Variants in EYS observed in about 807,000 individuals in gnomAD.
The protein encoded by EYS is protein eyes shut homolog.
In EYS, 250 loss-of-function variants were observed where a neutral mutation model predicts 282.1. The observed-to-expected ratio is 0.89, with a 90% CI of 0.80 to 0.98. The LOEUF is 0.98. Among genes scored for constraint, EYS ranks in the 50% least tolerant of loss-of-function variants. The pLI is 0.00. For synonymous variants in EYS, 1,355 were observed against 1,282.9 expected, an observed-to-expected ratio of 1.06 and a Z score of -1.20; for missense variants, 4,016 against 3,709.0, an observed-to-expected ratio of 1.08 and a Z score of -2.15.
At chr6:63,894,462 C>T (rs754609494) in intron 35 of EYS, among the ~76,000 whole-genome samples, 3 of 152,104 alleles carry the variant, frequency 2.0e-5, no homozygotes, top group South Asian at 2.1e-4. Flanking sequence ...CTGGAAGAGA[C>T]GAGGAAGGAT....
chr6:63,720,173 T>G lies in EYS; in HGVS notation c.*423A>C, dbSNP rs1768318364. The stretch of plus-strand genomic sequence containing the variant: ...GTATAATTTTTATTTTTCCTTTGAT[T>G]AATAACTTGATTTTTTTCTTATTTG... On this transcript the variant is annotated 3_prime_UTR_variant, in exon 43 of 43. Coordinates refer to ENST00000503581, the MANE Select transcript of EYS (RefSeq NM_001142800.2). The G allele has an allele frequency of 4.8e-6, 1 of 206,342 alleles. No individual in the cohort carries two copies. The highest frequency in any genetic ancestry group is 9.6e-6 in the Non-Finnish European group (1 of 104,308). The allele number at this position is 206,342 out of a possible 1,614,324, so 12.8% of individuals were successfully genotyped here. A position where few individuals can be genotyped will look rare whatever the true frequency, so the allele number is the denominator to read the frequency against.
intron 12 of EYS, among the ~76,000 whole-genome samples, chr6:65,063,577 G>C (rs1345330822): frequency 3.3e-5 from 5 of 152,030 alleles, no homozygotes; most frequent in Non-Finnish European, 5.9e-5. Flanking sequence ...GCCAAAAGGT[G>C]TCTGATCCAA....
chr6:65,085,363 T>G (rs1467359511), intron 12 of EYS, among the ~76,000 whole-genome samples: 7 of 152,144 alleles, frequency 4.6e-5, no homozygotes, highest in African/African-American at 1.7e-4. Flanking sequence ...TCTGTTTGGT[T>G]TTCCCTATGA....
At chr6:64,618,417 T>C (rs997719628) in intron 23 of EYS, among the ~76,000 whole-genome samples, 1 of 152,174 alleles carries the variant, frequency 6.6e-6, no homozygotes, top group African/African-American at 2.4e-5. Flanking sequence ...CAGGCAGCTC[T>C]CACTGCTCAC....
At chr6:64,654,444 T>A (rs981754282) in intron 22 of EYS, among the ~76,000 whole-genome samples, 1 of 152,144 alleles carries the variant, frequency 6.6e-6, no homozygotes, top group African/African-American at 2.4e-5. Flanking sequence ...AGTCTTATAA[T>A]GGGAAACATG....
chr6:63,956,465 AG>A (rs1156576592), intron 35 of EYS, among the ~76,000 whole-genome samples: 1 of 152,152 alleles, frequency 6.6e-6, no homozygotes, highest in Admixed American at 6.5e-5. Flanking sequence ...GTGATTAAAA[AG>A]CTTTATCGCT....
intron 14 of EYS, among the ~76,000 whole-genome samples, chr6:64,983,076 T>C (rs553231231): frequency 6.6e-5 from 10 of 151,294 alleles, no homozygotes; most frequent in African/African-American, 2.4e-4. Context: ...TTCATGTCGG[T>C]TTTATTTTTC....
chr6:64,255,867 A>C (rs551191195), intron 30 of EYS, among the ~76,000 whole-genome samples: 5 of 152,108 alleles, frequency 3.3e-5, no homozygotes, highest in African/African-American at 1.2e-4. Context: ...TATTATGAAA[A>C]ATTTTATGTT....
At chr6:64,209,491 TA>T (rs1459923050) in intron 31 of EYS, among the ~76,000 whole-genome samples, 1 of 152,226 alleles carries the variant, frequency 6.6e-6, no homozygotes, top group Non-Finnish European at 1.5e-5. Context: ...GTTCTTTAGA[TA>T]CTGTATATTC....
intron 2 of EYS, among the ~76,000 whole-genome samples, chr6:65,553,060 A>C (rs1379210728): frequency 1.3e-5 from 2 of 152,184 alleles, no homozygotes; most frequent in Non-Finnish European, 2.9e-5. Flanking sequence ...TATATGATGC[A>C]AGTGATGGCA....
intron 30 of EYS, among the ~76,000 whole-genome samples, chr6:64,248,228 C>G (rs189308032): frequency 6.8e-6 from 1 of 147,132 alleles, no homozygotes; most frequent in African/African-American, 2.6e-5. Flanking sequence ...TGTATAGGTG[C>G]GTCTTGAGAG....
chr6:64,945,959 T>C (rs1769276079), intron 14 of EYS, 45 bp from the exon 15 acceptor site: 2 of 1,457,030 alleles, frequency 1.4e-6, no homozygotes, highest in African/African-American at 1.4e-5. Flanking sequence ...TTTCTTACTA[T>C]TAAGCCTATA....
chr6:64,422,424 G>C (rs1008403811), intron 28 of EYS, among the ~76,000 whole-genome samples: 2 of 152,132 alleles, frequency 1.3e-5, no homozygotes, highest in Non-Finnish European at 2.9e-5. Flanking sequence ...AAGGGCAATG[G>C]TGGACAAGGG....
intron 26 of EYS, among the ~76,000 whole-genome samples, chr6:64,492,247 T>C (rs1776761827): frequency 6.6e-6 from 1 of 151,118 alleles, no homozygotes; most frequent in South Asian, 2.1e-4. Flanking sequence ...TTAAATAGGA[T>C]CAATGTCTGA....
intron 35 of EYS, among the ~76,000 whole-genome samples, chr6:63,966,903 A>G (rs1240865483): frequency 2.0e-5 from 3 of 152,214 alleles, no homozygotes; most frequent in Non-Finnish European, 2.9e-5. Flanking sequence ...GATACAATCC[A>G]GGACCCCCAG....
At chr6:64,785,218 CT>C (rs1773979978) in intron 22 of EYS, among the ~76,000 whole-genome samples, 1 of 152,092 alleles carries the variant, frequency 6.6e-6, no homozygotes, top group South Asian at 2.1e-4. Flanking sequence ...CTTTAATTTC[CT>C]TTTTATTTCT....
At chr6:64,821,541 C>T (rs2150021861) in intron 21 of EYS, 104 bp downstream of exon 21, 1 of 597,810 alleles carries the variant, frequency 1.7e-6, no homozygotes, top group Non-Finnish European at 2.9e-6. Context: ...GTTAAATCAT[C>T]AACAACTGTG....
chr6:64,970,359 G>A (rs925443612), intron 14 of EYS, among the ~76,000 whole-genome samples: 1 of 152,148 alleles, frequency 6.6e-6, no homozygotes, highest in African/African-American at 2.4e-5. Flanking sequence ...TCCTATGCCC[G>A]GCTAATTTTT....
chr6:65,440,387 AAAATT>A (rs1562182993), intron 5 of EYS, among the ~76,000 whole-genome samples: 1 of 151,812 alleles, frequency 6.6e-6, no homozygotes, highest in African/African-American at 2.4e-5. Context: ...TAAAAAAAAA[AAAATT>A]AAAACCCCAA....
Sources: allele counts gnomAD v4.1 joint callset (sites outside exome capture counted in the v4.1 genomes callset), GRCh38; gene constraint gnomAD v4.1.1; transcripts MANE v1.5; gene names NCBI Gene and HGNC (gene_info 2026-07-23, HGNC 2026-07-21).